The following DOCK9 variants were observed in gnomAD, a reference collection of about 807,000 sequenced individuals.
DOCK9 encodes the protein dedicator of cytokinesis protein 9.
A neutral mutation model predicts 263.3 loss-of-function variants in DOCK9; 89 were observed. The observed-to-expected ratio is 0.34, with a 90% CI of 0.28 to 0.40. DOCK9 has a LOEUF of 0.40. Among genes scored for constraint, DOCK9 ranks in the 10% least tolerant of loss-of-function variants. The pLI is 1.00. For missense variants in DOCK9, 2,140 were observed against 2,603.4 expected (o/e 0.82, Z 3.87); for synonymous variants, 976 against 973.1 (o/e 1.00, Z -0.06).
intron 9 of DOCK9, among the ~76,000 whole-genome samples, chr13:98,908,597 T>C (rs1212038363): frequency 6.6e-6 from 1 of 152,208 alleles, no homozygotes; most frequent in Admixed American, 6.5e-5. Flanking sequence ...ATCTATGAAA[T>C]ATTTTTAAGT....
At chr13:99,070,774 T>C (rs1217840306) in intron 1 of DOCK9, among the ~76,000 whole-genome samples, 2 of 152,246 alleles carry the variant, frequency 1.3e-5, no homozygotes, top group Non-Finnish European at 2.9e-5. Context: ...CTGCCATCCA[T>C]GGCAAGAACT....
intron 4 of DOCK9, among the ~76,000 whole-genome samples, chr13:98,925,182 A>C (rs7338865): frequency 0.48 from 73,328 of 151,898 alleles, 18,092 homozygotes; most frequent in Middle Eastern, 0.56. Flanking sequence ...ATAAATAAAA[A>C]TAAATAAATA....
In DOCK9 at chr13:98,825,907, TG is replaced by T. The variant is rs2092512921; in HGVS notation, c.5023+922del. 3 of 1,555,118 alleles carry T rather than the reference TG, an allele frequency of 1.9e-6. No homozygotes were observed. Among genetic ancestry groups the T allele is most frequent in the South Asian group, 2.5e-5 (2 of 80,458 alleles). On this transcript the variant is annotated intron_variant, in intron 44 of 52. Coordinates refer to ENST00000682017, the MANE Select transcript of DOCK9 (RefSeq NM_001366683.2). The surrounding 1 kb of genome is among the most constrained non-coding windows in gnomAD (Gnocchi z 4.1). ...CCTCCTCAGGCAGGCGCTATGGCTG[TG>T]GGGGAGAAGGGGCGGCTCCCACTGG...
chr13:99,060,690 C>G (rs1212152841), intron 1 of DOCK9, among the ~76,000 whole-genome samples: 1 of 152,142 alleles, frequency 6.6e-6, no homozygotes, highest in African/African-American at 2.4e-5. Context: ...GGGTCTAGAG[C>G]AGGTACCTTT....
At chr13:98,864,512 A>C (rs1350480651) in intron 30 of DOCK9, among the ~76,000 whole-genome samples, 1 of 152,214 alleles carries the variant, frequency 6.6e-6, no homozygotes, top group Non-Finnish European at 1.5e-5. Flanking sequence ...AAGTTCTATG[A>C]AACCCTTTAA....
intron 38 of DOCK9, among the ~76,000 whole-genome samples, chr13:98,838,607 G>A (rs2093097451): frequency 6.6e-6 from 1 of 152,156 alleles, no homozygotes; most frequent in African/African-American, 2.4e-5. Flanking sequence ...GGCAAAATCA[G>A]TTTAGTACTG....
At chr13:99,004,760 TACTGC>T (rs1882998552) in intron 1 of DOCK9, among the ~76,000 whole-genome samples, 3 of 150,500 alleles carry the variant, frequency 2.0e-5, no homozygotes, top group African/African-American at 7.4e-5. Context: ...AATATTCTAG[TACTGC>T]ATTGACCAAA....
At chr13:99,008,380 C>A (rs986655884) in intron 1 of DOCK9, among the ~76,000 whole-genome samples, 2 of 151,742 alleles carry the variant, frequency 1.3e-5, no homozygotes, top group African/African-American at 4.8e-5. Context: ...ATTATAGGTG[C>A]CTGCCACCAC....
intron 10 of DOCK9, among the ~76,000 whole-genome samples, chr13:98,903,657 T>C (rs1202061525): frequency 1.4e-5 from 2 of 144,772 alleles, no homozygotes; most frequent in African/African-American, 2.6e-5. Flanking sequence ...ACCTACTCAA[T>C]GGATGAACTG....
chr13:98,804,970 C>T (rs753906797), intron 49 of DOCK9, 29 bp downstream of exon 49: 8 of 1,570,734 alleles, frequency 5.1e-6, no homozygotes, highest in South Asian at 4.7e-5. Flanking sequence ...TGTCCGGGCT[C>T]GTGTCCATGC....
chr13:99,032,894 A>C (rs1484338693), intron 1 of DOCK9, among the ~76,000 whole-genome samples: 1 of 152,200 alleles, frequency 6.6e-6, no homozygotes, highest in Non-Finnish European at 1.5e-5. Context: ...AGGAGTAGTG[A>C]GGTTACACAT....
chr13:98,944,348 G>C (rs1449931395), intron 2 of DOCK9, among the ~76,000 whole-genome samples: 2 of 114,952 alleles, frequency 1.7e-5, no homozygotes, highest in Admixed American at 2.3e-4. Context: ...GCACAATATG[G>C]AGCAAAAATC....
At chr13:98,947,602 C>G (rs1422667487) in intron 2 of DOCK9, among the ~76,000 whole-genome samples, 1 of 151,278 alleles carries the variant, frequency 6.6e-6, no homozygotes, top group Non-Finnish European at 1.5e-5. Flanking sequence ...CTCCGCCTCC[C>G]GGGTTCAAGT....
intron 1 of DOCK9, among the ~76,000 whole-genome samples, chr13:99,084,850 A>C (rs1178372173): frequency 6.6e-6 from 1 of 152,242 alleles, no homozygotes; most frequent in East Asian, 1.9e-4. Context: ...ATGCACTGGC[A>C]AAACTCAGGA....
At chr13:99,075,216 C>T (rs764773512) in intron 1 of DOCK9, among the ~76,000 whole-genome samples, 24 of 152,242 alleles carry the variant, frequency 1.6e-4, no homozygotes, top group South Asian at 4.1e-4. Context: ...ATTTCTTCAA[C>T]GGCTATGCAG....
At chr13:98,890,832 G>A (rs1025433434) in intron 15 of DOCK9, among the ~76,000 whole-genome samples, 2 of 152,124 alleles carry the variant, frequency 1.3e-5, no homozygotes, top group African/African-American at 4.8e-5. Flanking sequence ...ATCCATCGTG[G>A]CCCATCGCCA....
At chr13:98,801,357 G>C (rs2090088171) in intron 49 of DOCK9, among the ~76,000 whole-genome samples, 1 of 152,090 alleles carries the variant, frequency 6.6e-6, no homozygotes. Context: ...CTAAGCAAAG[G>C]ATTTCATGAA....
intron 1 of DOCK9, among the ~76,000 whole-genome samples, chr13:99,078,262 T>C (rs1329642274): frequency 6.6e-6 from 1 of 151,858 alleles, no homozygotes; most frequent in Non-Finnish European, 1.5e-5. Context: ...TGCAAAGAGG[T>C]GGTGCCCCCC....
chr13:98,877,500 A>T (rs2044057714), intron 27 of DOCK9, among the ~76,000 whole-genome samples: 1 of 152,138 alleles, frequency 6.6e-6, no homozygotes, highest in Admixed American at 6.5e-5. Context: ...CCTTATGTTC[A>T]TGTAGTTCCC....
Sources: allele counts gnomAD v4.1 joint callset (sites outside exome capture counted in the v4.1 genomes callset), GRCh38; gene constraint gnomAD v4.1.1; non-coding constraint Gnocchi (gnomAD v3.1); transcripts MANE v1.5; gene names NCBI Gene and HGNC (gene_info 2026-07-23, HGNC 2026-07-21).